HSD17B4: variants seen among roughly 807,000 people sequenced by gnomAD.
HSD17B4 encodes the protein peroxisomal multifunctional enzyme type 2.
Under a neutral mutation model 101.0 loss-of-function variants are expected in HSD17B4, and 70 were observed. That is an observed-to-expected ratio of 0.69 (90% confidence interval 0.57 to 0.85). The LOEUF (loss-of-function observed/expected upper bound fraction) is 0.85. HSD17B4 is among the 40% of genes least tolerant of loss of function. The pLI is 0.00. For synonymous variants in HSD17B4, 347 were observed against 297.1 expected, an observed-to-expected ratio of 1.17 and a Z score of -1.73; for missense variants, 984 against 892.4, an observed-to-expected ratio of 1.10 and a Z score of -1.31.
rs754008173 is a variant in HSD17B4, at chr5:119,531,252, G to A, written c.1855-14G>A. 2.2e-5 allele frequency: 35 copies of A among 1,612,642 alleles called. No homozygotes were observed. The highest frequency in any genetic ancestry group is 2.9e-5 in the Non-Finnish European group (34 of 1,179,094). On this transcript the variant is annotated splice_polypyrimidine_tract_variant and intron_variant, in intron 21 of 23. Coordinates refer to ENST00000510025, the MANE Select transcript of HSD17B4 (RefSeq NM_000414.4). ...TTACAGAACTTTTAAAGTTTATTTT[G>A]TTGTCGTTGTTAGGGCGGGAAGCTT...
chr5:119,534,563 C>T (rs1488368840), intron 22 of HSD17B4, among the ~76,000 whole-genome samples: 1 of 152,020 alleles, frequency 6.6e-6, no homozygotes, highest in East Asian at 1.9e-4. Context: ...AACCTCTGAG[C>T]TCCTGGGTTG....
At position 119,479,975 on chromosome 5, in the gene HSD17B4, T is replaced by C. The variant is rs185851771; in HGVS notation, c.622+954T>C. Among the ~76,000 whole-genome samples the C allele has an allele frequency of 2.9e-3, 441 of 152,300 alleles. 6 individuals carry two copies. Among genetic ancestry groups the C allele is most frequent in the Non-Finnish European group, 1.6e-3 (112 of 68,018 alleles). On this transcript the variant is annotated intron_variant, in intron 8 of 23. Coordinates refer to ENST00000510025, the MANE Select transcript of HSD17B4 (RefSeq NM_000414.4). Reference sequence around the variant, plus strand: ...TCCCACCAGCAATTAATGAGAGTTCTTGTTGCTTCACATCCTCGCCAGCAT... The same window carrying C: ...TCCCACCAGCAATTAATGAGAGTTCCTGTTGCTTCACATCCTCGCCAGCAT...
intron 14 of HSD17B4, among the ~76,000 whole-genome samples, chr5:119,505,443 T>G (rs905486582): frequency 6.6e-6 from 1 of 152,172 alleles, no homozygotes; most frequent in African/African-American, 2.4e-5. Flanking sequence ...ATAGTTCTCC[T>G]TGTAGAGACC....
intron 2 of HSD17B4, among the ~76,000 whole-genome samples, chr5:119,461,994 C>T (rs7714121): frequency 0.016 from 2,415 of 151,914 alleles, 57 homozygotes; most frequent in African/African-American, 0.053. Flanking sequence ...ATAGACTGTC[C>T]GAGTCACTGA....
chr5:119,540,293 A>G (rs1215036144), intron 23 of HSD17B4, among the ~76,000 whole-genome samples: 1 of 152,190 alleles, frequency 6.6e-6, no homozygotes, highest in East Asian at 1.9e-4. Context: ...AATTAACAGT[A>G]TTGGGAAAGT....
intron 2 of HSD17B4, among the ~76,000 whole-genome samples, chr5:119,458,508 A>ATTT (rs35423756): frequency 7.3e-6 from 1 of 136,300 alleles, no homozygotes; most frequent in Non-Finnish European, 1.6e-5. Context: ...AGCCTGGCTA[A>ATTT]TTTTTTTTTT....
intron 23 of HSD17B4, among the ~76,000 whole-genome samples, chr5:119,538,764 TCTC>T (rs1027294712): frequency 6.6e-6 from 1 of 152,184 alleles, no homozygotes; most frequent in African/African-American, 2.4e-5. Context: ...TTCTGGAATT[TCTC>T]CTCCTAGCTG....
At chr5:119,457,080 A>G (rs1305814859) in intron 2 of HSD17B4, among the ~76,000 whole-genome samples, 1 of 152,170 alleles carries the variant, frequency 6.6e-6, no homozygotes, top group African/African-American at 2.4e-5. Flanking sequence ...GAAGAATCCT[A>G]AAGGTGGGAG....
intron 2 of HSD17B4, among the ~76,000 whole-genome samples, chr5:119,460,901 C>G (rs529289453): frequency 8.1e-4 from 124 of 152,286 alleles, no homozygotes; most frequent in Admixed American, 1.5e-3. Context: ...CGCGGCATCC[C>G]TGGCAGAAGA....
At position 119,531,313 on chromosome 5, in the gene HSD17B4, C is replaced by A. The variant is rs1017592892; in HGVS notation, c.1902C>A (p.Arg634=). 1 of 1,613,424 alleles carries A rather than the reference C, an allele frequency of 6.2e-7. No individual in the cohort carries two copies. Among genetic ancestry groups the A allele is most frequent in the Admixed American group, 1.7e-5 (1 of 59,918 alleles). The change falls in exon 22 of 24, where the codon CGC becomes CGA. Residue 634 remains arginine (R), a synonymous_variant. Transcript: ENST00000510025. ...STFVFEEIGR[R]LKDIGPEVVK... ...TTGTATTTGAGGAAATAGGACGCCG[C>A]CTAAAGGATATTGGGCCTGAGGTGG...
intron 8 of HSD17B4, among the ~76,000 whole-genome samples, chr5:119,484,268 C>G (rs530339663): frequency 1.3e-5 from 2 of 152,182 alleles, no homozygotes; most frequent in Non-Finnish European, 2.9e-5. Flanking sequence ...ATAGACTATT[C>G]CTCATTCTTG....
rs1753460478 is a variant in HSD17B4 at position 119,525,108 on chromosome 5, A to G, written c.1504-108A>G. On this transcript the variant is annotated intron_variant, in intron 17 of 23. Coordinates refer to ENST00000510025, the MANE Select transcript of HSD17B4 (RefSeq NM_000414.4). ...TATTTTTAAAATCAGAGCCTCAGGT[A>G]CATTATGATACAATGCTTATACCAA... 4 of 722,862 alleles carry G rather than the reference A, an allele frequency of 5.5e-6. No homozygotes were observed. In the Admixed American group the frequency reaches 8.2e-5, roughly 15 times the overall value. The allele number at this position is 722,862 out of a possible 1,614,324, so 44.8% of individuals were successfully genotyped here. A position where few individuals can be genotyped will look rare whatever the true frequency, so the allele number is the denominator to read the frequency against.
intron 9 of HSD17B4, among the ~76,000 whole-genome samples, chr5:119,491,663 A>G (rs1161989249): frequency 1.3e-5 from 2 of 152,158 alleles, no homozygotes; most frequent in South Asian, 2.1e-4. Flanking sequence ...GTAATTCAGT[A>G]GGTCCTTCAA....
chr5:119,497,021 A>G (rs1353102543), intron 12 of HSD17B4, among the ~76,000 whole-genome samples: 2 of 151,990 alleles, frequency 1.3e-5, no homozygotes, highest in African/African-American at 2.4e-5. Flanking sequence ...CTTTTCCCTA[A>G]TGGGAAAGGA....
intron 20 of HSD17B4, among the ~76,000 whole-genome samples, chr5:119,529,015 A>C (rs1368930990): frequency 6.6e-6 from 1 of 152,144 alleles, no homozygotes; most frequent in East Asian, 1.9e-4. Flanking sequence ...TAATTTACTG[A>C]AGTGCATTTT....
Position 119,525,199 on chromosome 5 carries a change from T to TGG in HSD17B4, c.1504-17_1504-16insGG. 1 of 1,590,802 alleles carries TGG rather than the reference T, an allele frequency of 6.3e-7. No homozygotes were observed. Among genetic ancestry groups the TGG allele is most frequent in the Non-Finnish European group, 8.6e-7 (1 of 1,159,402 alleles). On this transcript the variant is annotated splice_polypyrimidine_tract_variant and intron_variant, in intron 17 of 23. Coordinates refer to ENST00000510025, the MANE Select transcript of HSD17B4 (RefSeq NM_000414.4). ...ACAAAACACTGAGTTCTAGTTATGT[T>TGG]TATGCTTTCTCCACAGGCTGCTTTG...
At chr5:119,488,646 G>A (rs1490549790) in intron 8 of HSD17B4, among the ~76,000 whole-genome samples, 2 of 152,036 alleles carry the variant, frequency 1.3e-5, no homozygotes, top group East Asian at 3.9e-4. Flanking sequence ...AGTTCAAAAG[G>A]TAACATATGC....
At chr5:119,530,018 T>C (rs1409824041) in intron 21 of HSD17B4, 38 bp downstream of exon 21, 1 of 1,212,666 alleles carries the variant, frequency 8.2e-7, no homozygotes, top group East Asian at 2.3e-5. Flanking sequence ...CACTTCCTCA[T>C]TTAGGAATTT....
At chr5:119,465,590 G>A (rs1380109172) in intron 2 of HSD17B4, among the ~76,000 whole-genome samples, 1 of 152,168 alleles carries the variant, frequency 6.6e-6, no homozygotes, top group Non-Finnish European at 1.5e-5. Flanking sequence ...AAATTACCCA[G>A]CCTCAGGTAT....
Sources: allele counts gnomAD v4.1 joint callset (sites outside exome capture counted in the v4.1 genomes callset), GRCh38; gene constraint gnomAD v4.1.1; transcripts MANE v1.5; gene names NCBI Gene and HGNC (gene_info 2026-07-23, HGNC 2026-07-21).